The following ATP2C2 variants were observed in gnomAD, a reference collection of about 807,000 sequenced individuals.
ATP2C2 encodes the protein calcium-transporting ATPase type 2C member 2.
In ATP2C2, 171 loss-of-function variants were observed where a neutral mutation model predicts 110.8. The ratio of observed to expected loss-of-function variants is 1.54; its 90% CI spans 1.36 to 1.75. The LOEUF is 1.75. Among genes scored for constraint, ATP2C2 ranks in the 40% most tolerant of loss-of-function variants. The pLI is 0.00. For synonymous variants in ATP2C2, 804 were observed against 508.4 expected, an observed-to-expected ratio of 1.58 and a Z score of -7.82; for missense variants, 1,963 against 1,235.0, an observed-to-expected ratio of 1.59 and a Z score of -8.84.
chr16:84,439,634 G>C, intron 13 of ATP2C2, 110 bp downstream of exon 13: 1 of 1,077,668 alleles, frequency 9.3e-7, no homozygotes, highest in Non-Finnish European at 1.4e-6. Context: ...GAAATAAATT[G>C]GGGTCATCTT....
rs547061822 is a variant in ATP2C2, at chr16:84,450,670, G to C, written c.1661-1251G>C. ...CATGCCAGCCCCATCTTTGGTGTCA[G>C]TGAGGGGGCAAGGATGTTCTTACAC... is the stretch of plus-strand genomic sequence containing the variant. On this transcript the variant is annotated intron_variant, in intron 17 of 26. Transcript: ENST00000262429. Among the ~76,000 whole-genome samples the C allele has an allele frequency of 1.2e-4, 19 of 152,252 alleles. No homozygotes were observed. In the South Asian group the frequency reaches 1.7e-3, roughly 13 times the overall value.
intron 17 of ATP2C2, 70 bp downstream of exon 17, chr16:84,448,759 C>G: frequency 6.5e-7 from 1 of 1,536,670 alleles, no homozygotes; most frequent in Non-Finnish European, 8.8e-7. Flanking sequence ...TGCATTCAAG[C>G]AGGGTCCCTA....
intron 20 of ATP2C2, among the ~76,000 whole-genome samples, chr16:84,453,890 C>G (rs1398296714): frequency 6.6e-6 from 1 of 152,016 alleles, no homozygotes; most frequent in African/African-American, 2.4e-5. Flanking sequence ...ACCTAGGCTG[C>G]AGTGCAGTGG....
rs547675465 is a variant in ATP2C2, at chr16:84,411,042, G to A, written c.515+277G>A. The A allele has an allele frequency of 2.0e-4, 102 of 513,506 alleles. 1 individual carries two copies. Among genetic ancestry groups the A allele is most frequent in the African/African-American group, 1.7e-3 (88 of 51,950 alleles). 31.8% of individuals were successfully genotyped at this position (513,506 alleles called of 1,614,324 possible). Reference sequence around the variant, plus strand: ...GGTAGCAGGAGTGACTCTGGGAAGAGGGTAGCCCACAAAGCCTGTGAAATA... The same window carrying A: ...GGTAGCAGGAGTGACTCTGGGAAGAAGGTAGCCCACAAAGCCTGTGAAATA... On this transcript the variant is annotated intron_variant, in intron 6 of 26. Coordinates refer to ENST00000262429, the MANE Select transcript of ATP2C2 (RefSeq NM_014861.4).
chr16:84,439,482 G>T lies in ATP2C2; in HGVS notation c.1167G>T (p.Met389Ile). Residue 389 changes from methionine (M) to isoleucine (I), a missense_variant, in exon 13 of 27, where the codon ATG (methionine) becomes ATT (isoleucine). Transcript: ENST00000262429. ...DKTGTLTANE[M>I]TVTQLVTSDG... ...CGGGGACTCTGACTGCCAATGAAAT[G>T]ACAGTGACCCAGCTTGTAACGTCAG... 1 of 1,614,176 alleles carries T rather than the reference G, an allele frequency of 6.2e-7. No homozygotes were observed. The highest frequency in any genetic ancestry group is 8.5e-7 in the Non-Finnish European group (1 of 1,180,032).
intron 21 of ATP2C2, among the ~76,000 whole-genome samples, chr16:84,458,818 G>GA (rs1567463778): frequency 6.6e-6 from 1 of 152,202 alleles, no homozygotes; most frequent in Non-Finnish European, 1.5e-5. Context: ...TCTGGGCAGG[G>GA]ATGGGGCCCC....
intron 18 of ATP2C2, 140 bp downstream of exon 18, chr16:84,452,231 G>A (rs1217720026): frequency 2.9e-6 from 3 of 1,052,572 alleles, no homozygotes; most frequent in African/African-American, 1.6e-5. Flanking sequence ...AAGACGCTGA[G>A]TATTCGTGTG....
chr16:84,391,802 G>A (rs956476140), intron 1 of ATP2C2, among the ~76,000 whole-genome samples: 6 of 152,118 alleles, frequency 3.9e-5, no homozygotes, highest in Non-Finnish European at 7.4e-5. Flanking sequence ...TGTTACAGCC[G>A]TGGAGACCAA....
chr16:84,410,092 C>A (rs1236073153), intron 4 of ATP2C2, among the ~76,000 whole-genome samples: 7 of 152,090 alleles, frequency 4.6e-5, no homozygotes, highest in Non-Finnish European at 1.0e-4. Context: ...GCCTGTGGTC[C>A]CAGCTACTTG....
At chr16:84,452,477 C>T (rs1040487215) in intron 18 of ATP2C2, among the ~76,000 whole-genome samples, 1 of 150,264 alleles carries the variant, frequency 6.7e-6, no homozygotes, top group Non-Finnish European at 1.5e-5. Context: ...AGAGGGCTAG[C>T]AGCCCTTCTC....
rs866371135 is a variant in ATP2C2 at position 84,436,042 on chromosome 16, T to C, written c.987-3124T>C. On this transcript the variant is annotated intron_variant, in intron 11 of 26. Coordinates refer to ENST00000262429, the MANE Select transcript of ATP2C2 (RefSeq NM_014861.4). ...TACGCGGGAGGCTGAGGCAGGAGAA[T>C]TGCATGAAGCTGGGGGGTGGATGTT... 3.9e-5 allele frequency among the ~76,000 whole-genome samples: 6 copies of C among 152,054 alleles called. 1 individual carries two copies. The highest frequency in any genetic ancestry group is 1.4e-4 in the African/African-American group (6 of 41,484).
chr16:84,386,639 C>A (rs936633189), intron 1 of ATP2C2, among the ~76,000 whole-genome samples: 2 of 152,218 alleles, frequency 1.3e-5, no homozygotes, highest in African/African-American at 2.4e-5. Flanking sequence ...CACAGACGCA[C>A]ACAGGTACTA....
chr16:84,422,842 T>G, intron 9 of ATP2C2, 145 bp downstream of exon 9: 2 of 962,022 alleles, frequency 2.1e-6, no homozygotes, highest in East Asian at 5.5e-5. Context: ...AATTTTTTTT[T>G]TTAATAGAGA....
chr16:84,463,516 C>T (rs1911605891), intron 26 of ATP2C2, 98 bp from the exon 27 acceptor site: 2 of 1,011,052 alleles, frequency 2.0e-6, no homozygotes, highest in Non-Finnish European at 3.1e-6. Context: ...TCCTCCGCAC[C>T]TCTCACTTTA....
At chr16:84,453,004 A>G (rs1310692378) in intron 18 of ATP2C2, 134 bp from the exon 19 acceptor site, 6 of 844,092 alleles carry the variant, frequency 7.1e-6, no homozygotes, top group Non-Finnish European at 1.1e-5. Context: ...GAGGCCGTGC[A>G]GCATGGTAGG....
chr16:84,391,301 C>G (rs117034137), intron 1 of ATP2C2, among the ~76,000 whole-genome samples: 1 of 152,130 alleles, frequency 6.6e-6, no homozygotes, highest in Non-Finnish European at 1.5e-5. Flanking sequence ...GCTACAGCCT[C>G]GGACCCTTCA....
At position 84,461,758 on chromosome 16, in the gene ATP2C2, G is replaced by T; in HGVS notation, c.2526G>T (p.Thr842=). ...GCACTCCCCGCACCACGACGATGAC[G>T]TTCACTTGTTTTGTGTTTTTCGATC... is the stretch of plus-strand genomic sequence containing the variant. ...RASTPRTTTM[T]FTCFVFFDLF... Residue 842 remains threonine, a synonymous_variant, in exon 25 of 27, where the codon ACG becomes ACT. Coordinates refer to ENST00000262429, the MANE Select transcript of ATP2C2 (RefSeq NM_014861.4). The T allele has an allele frequency of 1.2e-6, 2 of 1,614,188 alleles. No homozygotes were observed. The highest frequency in any genetic ancestry group is 8.5e-7 in the Non-Finnish European group (1 of 1,180,034).
intron 14 of ATP2C2, among the ~76,000 whole-genome samples, chr16:84,442,165 T>A (rs936531): frequency 0.18 from 27,507 of 151,974 alleles, 3,035 homozygotes; most frequent in East Asian, 0.53. Flanking sequence ...TGGTTTCAAT[T>A]TGTTCACAAG....
chr16:84,395,309 C>G (rs1051187098), intron 1 of ATP2C2, among the ~76,000 whole-genome samples: 3 of 152,020 alleles, frequency 2.0e-5, no homozygotes, highest in Non-Finnish European at 4.4e-5. Context: ...GCATGGCACC[C>G]TGTCACCCCA....
Sources: gnomAD v4.1 joint callset for allele counts (sites outside exome capture counted in the v4.1 genomes callset) on GRCh38, gnomAD v4.1.1 for gene constraint, MANE v1.5 for transcripts, NCBI Gene and HGNC (gene_info 2026-07-23, HGNC 2026-07-21) for gene names.